Variants in EDAR observed in about 807,000 individuals in gnomAD.
EDAR encodes tumor necrosis factor receptor superfamily member EDAR.
EDAR carries 38 observed loss-of-function variants against 51.3 expected under a neutral mutation model. The ratio of observed to expected loss-of-function variants is 0.74; its 90% CI spans 0.57 to 0.97. EDAR has a LOEUF of 0.97. EDAR is among the 50% of genes least tolerant of loss of function. The pLI is 0.00. For synonymous variants in EDAR, 227 were observed against 242.1 expected (o/e 0.94, Z 0.58); for missense variants, 528 against 595.0 (o/e 0.89, Z 1.17).
chr2:108,905,106 C>T (rs548672494), intron 11 of EDAR, among the ~76,000 whole-genome samples: 1 of 152,256 alleles, frequency 6.6e-6, no homozygotes, highest in East Asian at 1.9e-4. Context: ...TGACTAATTA[C>T]ATCAGGGTGT....
At chr2:108,912,901 T>C (rs1196041375) in intron 5 of EDAR, 137 bp from the exon 6 acceptor site, 2 of 748,050 alleles carry the variant, frequency 2.7e-6, no homozygotes, top group Admixed American at 2.0e-5. Flanking sequence ...TAAATATTTG[T>C]ATTTCTTAGA....
intron 1 of EDAR, among the ~76,000 whole-genome samples, chr2:108,961,390 C>A (rs1431505601): frequency 1.3e-5 from 2 of 152,170 alleles, no homozygotes; most frequent in Middle Eastern, 3.2e-3. Flanking sequence ...ACACCCACCA[C>A]CAGTGGAGGC....
At chr2:108,944,540 G>C (rs1482356184) in intron 1 of EDAR, among the ~76,000 whole-genome samples, 4 of 152,218 alleles carry the variant, frequency 2.6e-5, no homozygotes, top group Non-Finnish European at 5.9e-5. Flanking sequence ...GGTGAAGCAG[G>C]CTCTCCTGGA....
intron 3 of EDAR, 120 bp downstream of exon 3, chr2:108,930,000 C>G (rs187113772): frequency 1.6e-6 from 2 of 1,263,738 alleles, no homozygotes; most frequent in African/African-American, 1.5e-5. Flanking sequence ...GGAGCGTGAC[C>G]GGCTGGTTTG....
intron 1 of EDAR, among the ~76,000 whole-genome samples, chr2:108,936,139 G>A (rs780703861): frequency 2.6e-5 from 4 of 152,254 alleles, no homozygotes; most frequent in Non-Finnish European, 5.9e-5. Flanking sequence ...TGACTGTGAC[G>A]GTGCTACCTC....
chr2:108,938,407 G>A (rs1697518779), intron 1 of EDAR, among the ~76,000 whole-genome samples: 1 of 152,188 alleles, frequency 6.6e-6, no homozygotes. Flanking sequence ...TGGGGCTGGC[G>A]TCCCAAAGAG....
chr2:108,960,048 A>G (rs1352449738), intron 1 of EDAR, among the ~76,000 whole-genome samples: 1 of 152,134 alleles, frequency 6.6e-6, no homozygotes, highest in African/African-American at 2.4e-5. Context: ...CTGAGAAAGC[A>G]GTGCCCTCCA....
At chr2:108,956,071 T>C (rs1697919767) in intron 1 of EDAR, among the ~76,000 whole-genome samples, 1 of 152,158 alleles carries the variant, frequency 6.6e-6, no homozygotes, top group Non-Finnish European at 1.5e-5. Flanking sequence ...TAAAACACTG[T>C]TCGGGCTACT....
rs541086262 is a variant in EDAR at position 108,946,731 on chromosome 2, AACTC to A, written c.-18-15703_-18-15700del. On this transcript the variant is annotated intron_variant, in intron 1 of 11. Transcript: ENST00000258443. The stretch of plus-strand genomic sequence containing the variant: ...ATATCAAACAACCAGATCTCATGAG[AACTC>A]ACTCACTATCATGAGAACATCATGG... 9.2e-5 allele frequency among the ~76,000 whole-genome samples: 14 copies of A among 152,202 alleles called. No homozygotes were observed. In the East Asian group the frequency reaches 1.5e-3, roughly 17 times the overall value.
intron 9 of EDAR, among the ~76,000 whole-genome samples, chr2:108,910,060 G>A (rs1430918190): frequency 4.6e-5 from 7 of 152,332 alleles, no homozygotes; most frequent in African/African-American, 1.7e-4. Context: ...TCATCACCAC[G>A]GTTGTTACCA....
rs747205532 is a variant in EDAR at position 108,930,990 on chromosome 2, G to A, written c.25C>T (p.Gln9Ter). MAHVGDCT[Q>*]TPWLPVLVVS... ...ACCAGGACGGGGAGCCAGGGCGTCTGCGTGCAGTCCCCCACATGGGCCATC... is the reference window on the plus strand; with the variant it reads ...ACCAGGACGGGGAGCCAGGGCGTCTACGTGCAGTCCCCCACATGGGCCATC... The change falls in exon 2 of 12, where the codon CAG becomes TAG. Residue 9 changes from glutamine (Q) to a stop codon, truncating the protein, a stop_gained. Coordinates refer to ENST00000258443, the MANE Select transcript of EDAR (RefSeq NM_022336.4). LOFTEE classifies it high-confidence loss of function. 8.1e-6 allele frequency: 13 copies of A among 1,613,894 alleles called. No homozygotes were observed. Among genetic ancestry groups the A allele is most frequent in the Non-Finnish European group, 1.1e-5 (13 of 1,180,050 alleles).
At chr2:108,971,778 A>G (rs1698238509) in intron 1 of EDAR, among the ~76,000 whole-genome samples, 1 of 152,240 alleles carries the variant, frequency 6.6e-6, no homozygotes, top group Non-Finnish European at 1.5e-5. Context: ...TACCACCTTC[A>G]AAAGGTGGAG....
At chr2:108,944,810 G>C (rs548998540) in intron 1 of EDAR, among the ~76,000 whole-genome samples, 3 of 152,318 alleles carry the variant, frequency 2.0e-5, no homozygotes, top group Admixed American at 6.5e-5. Context: ...GGCTGAGCCA[G>C]AGAGCTGACC....
intron 4 of EDAR, among the ~76,000 whole-genome samples, chr2:108,928,246 T>A (rs1417285292): frequency 1.3e-5 from 2 of 152,160 alleles, no homozygotes; most frequent in Non-Finnish European, 2.9e-5. Context: ...CGTCGGCATC[T>A]CCACTTGCAG....
intron 4 of EDAR, among the ~76,000 whole-genome samples, chr2:108,925,772 G>A (rs1697241902): frequency 6.6e-6 from 1 of 152,030 alleles, no homozygotes. Flanking sequence ...CATGCACCAC[G>A]ACGCCTGGCT....
intron 5 of EDAR, among the ~76,000 whole-genome samples, chr2:108,919,765 G>C (rs11676284): frequency 6.6e-6 from 1 of 152,180 alleles, no homozygotes; most frequent in Non-Finnish European, 1.5e-5. Context: ...GTAGGTCAGC[G>C]AGGCTCCGTG....
intron 11 of EDAR, among the ~76,000 whole-genome samples, chr2:108,904,047 T>C (rs1419532181): frequency 6.6e-6 from 1 of 152,084 alleles, no homozygotes; most frequent in Non-Finnish European, 1.5e-5. Context: ...GGAGAAAACA[T>C]TTATAAAACC....
intron 1 of EDAR, among the ~76,000 whole-genome samples, chr2:108,934,970 G>T (rs77143704): frequency 1.3e-4 from 20 of 152,340 alleles, no homozygotes; most frequent in African/African-American, 4.8e-4. Context: ...CAGTTCAGGG[G>T]TTGTGAAGCC....
chr2:108,974,485 A>G (rs1046369836), intron 1 of EDAR, among the ~76,000 whole-genome samples: 4 of 151,876 alleles, frequency 2.6e-5, no homozygotes. Flanking sequence ...TAATCCCAGC[A>G]CTTTGGGAGG....
Sources: gnomAD v4.1 joint callset for allele counts (sites outside exome capture counted in the v4.1 genomes callset) on GRCh38, gnomAD v4.1.1 for gene constraint, MANE v1.5 for transcripts, NCBI Gene and HGNC (gene_info 2026-07-23, HGNC 2026-07-21) for gene names.